TENM2: variants seen among roughly 807,000 people sequenced by gnomAD.
The protein encoded by TENM2 is teneurin transmembrane protein 2.
Under a neutral mutation model 245.2 loss-of-function variants are expected in TENM2, and 52 were observed. The ratio of observed to expected loss-of-function variants is 0.21; its 90% CI spans 0.17 to 0.27. The LOEUF is 0.27. TENM2 is among the 10% of genes least tolerant of loss of function. The pLI is 1.00. For synonymous variants in TENM2, 1,363 were observed against 1,438.9 expected (o/e 0.95, Z 1.19); for missense variants, 3,046 against 3,666.8 (o/e 0.83, Z 4.37).
At chr5:167,529,150 C>T (rs1771320390) in intron 2 of TENM2, among the ~76,000 whole-genome samples, 1 of 151,856 alleles carries the variant, frequency 6.6e-6, no homozygotes, top group Non-Finnish European at 1.5e-5. Flanking sequence ...TATTGTAGAT[C>T]TTGATAATTG....
At chr5:167,266,201 G>A in the TENM2 span, among the ~76,000 whole-genome samples, 2 of 152,102 alleles carry the variant, frequency 1.3e-5, no homozygotes, top group Admixed American at 6.6e-5. Context: ...ATCTCAAGGA[G>A]AGGTACAAAA....
At chr5:167,288,409 A>G (rs1346258451) in intron 1 of TENM2, among the ~76,000 whole-genome samples, 1 of 152,094 alleles carries the variant, frequency 6.6e-6, no homozygotes, top group Admixed American at 6.5e-5. Context: ...AATACAAAAA[A>G]TTAGTCGGGC....
intron 2 of TENM2, among the ~76,000 whole-genome samples, chr5:167,482,956 G>GA (rs749649260): frequency 2.5e-4 from 38 of 152,326 alleles, no homozygotes; most frequent in South Asian, 6.2e-4. Context: ...ACTTTGAGAA[G>GA]AAAATCTTTC....
intron 2 of TENM2, among the ~76,000 whole-genome samples, chr5:167,768,267 G>A (rs902434774): frequency 6.6e-6 from 1 of 152,008 alleles, no homozygotes; most frequent in Non-Finnish European, 1.5e-5. Flanking sequence ...TTCTTTATGT[G>A]ATGATTACAT....
At chr5:167,723,436 A>G (rs1759773273) in intron 2 of TENM2, among the ~76,000 whole-genome samples, 1 of 152,004 alleles carries the variant, frequency 6.6e-6, no homozygotes, top group African/African-American at 2.4e-5. Flanking sequence ...CTTCATTCAT[A>G]AGTGCATTCT....
At chr5:167,640,855 A>ATC (rs1779518682) in intron 2 of TENM2, among the ~76,000 whole-genome samples, 1 of 71,742 alleles carries the variant, frequency 1.4e-5, no homozygotes, top group Non-Finnish European at 2.7e-5. Context: ...ATATATATAT[A>ATC]TATCCATATA....
At chr5:167,826,583 C>T (rs1767989115) in intron 2 of TENM2, among the ~76,000 whole-genome samples, 1 of 152,222 alleles carries the variant, frequency 6.6e-6, no homozygotes, top group Non-Finnish European at 1.5e-5. Flanking sequence ...CTTTTTCTGA[C>T]ACATAATACT....
At chr5:168,027,721 G>T (rs761648637) in intron 5 of TENM2, among the ~76,000 whole-genome samples, 1 of 152,202 alleles carries the variant, frequency 6.6e-6, no homozygotes, top group Non-Finnish European at 1.5e-5. Context: ...TCAGCTTTGC[G>T]TGGCCCTATC....
At chr5:167,309,643 G>A (rs188580729) in intron 1 of TENM2, among the ~76,000 whole-genome samples, 9 of 152,204 alleles carry the variant, frequency 5.9e-5, no homozygotes, top group Admixed American at 3.9e-4. Flanking sequence ...ACTATAAGCC[G>A]CAGGAGATCA....
chr5:167,594,650 G>A (rs563298798), intron 2 of TENM2, among the ~76,000 whole-genome samples: 3 of 152,122 alleles, frequency 2.0e-5, no homozygotes, highest in South Asian at 2.1e-4. Context: ...TAATGTAATC[G>A]CAATTTTGAG....
chr5:167,234,197 G>T, the TENM2 span, among the ~76,000 whole-genome samples: 1 of 152,186 alleles, frequency 6.6e-6, no homozygotes, highest in Non-Finnish European at 1.5e-5. Flanking sequence ...AATTTATTCA[G>T]TAATGAGCCC....
intron 9 of TENM2, among the ~76,000 whole-genome samples, chr5:168,113,900 G>A (rs1220185499): frequency 2.0e-5 from 3 of 152,106 alleles, no homozygotes; most frequent in South Asian, 2.1e-4. Flanking sequence ...AGAGACATGC[G>A]GAGACAGAAA....
the TENM2 span, among the ~76,000 whole-genome samples, chr5:167,252,494 A>C: frequency 6.6e-6 from 1 of 152,268 alleles, no homozygotes; most frequent in South Asian, 2.1e-4. Context: ...TGATACCTTC[A>C]TCATGTGTCT....
At chr5:167,986,913 T>C (rs1408484899) in intron 4 of TENM2, among the ~76,000 whole-genome samples, 1 of 152,224 alleles carries the variant, frequency 6.6e-6, no homozygotes, top group Non-Finnish European at 1.5e-5. Flanking sequence ...TGCTTCATTT[T>C]ATTTGATTTT....
the TENM2 span, among the ~76,000 whole-genome samples, chr5:167,065,928 A>G: frequency 6.6e-6 from 1 of 152,140 alleles, no homozygotes; most frequent in Non-Finnish European, 1.5e-5. Flanking sequence ...GGAATGCTGC[A>G]GTTAGTGTGT....
chr5:167,473,048 T>C (rs1176350503), intron 2 of TENM2, among the ~76,000 whole-genome samples: 1 of 152,222 alleles, frequency 6.6e-6, no homozygotes, highest in Admixed American at 6.5e-5. Context: ...CTGGAAACTT[T>C]TTCAGTTCTT....
At chr5:167,201,514 T>C in the TENM2 span, among the ~76,000 whole-genome samples, 1 of 152,102 alleles carries the variant, frequency 6.6e-6, no homozygotes, top group Non-Finnish European at 1.5e-5. Flanking sequence ...AAATGGTGAT[T>C]TTAGTTACGA....
intron 2 of TENM2, among the ~76,000 whole-genome samples, chr5:167,627,864 ACTT>A (rs1422072104): frequency 1.3e-5 from 2 of 152,086 alleles, no homozygotes; most frequent in African/African-American, 4.8e-5. Context: ...GTCCGACTCT[ACTT>A]CTTATGAATT....
At chr5:168,178,954 G>A (rs1759606047) in intron 13 of TENM2, among the ~76,000 whole-genome samples, 1 of 152,076 alleles carries the variant, frequency 6.6e-6, no homozygotes, top group Non-Finnish European at 1.5e-5. Context: ...AGCCAACATG[G>A]TGAAACCCCA....
Sources: allele counts gnomAD v4.1 joint callset (sites outside exome capture counted in the v4.1 genomes callset), GRCh38; gene constraint gnomAD v4.1.1; transcripts MANE v1.5; gene names NCBI Gene and HGNC (gene_info 2026-07-23, HGNC 2026-07-21).